The following TF variants were observed in gnomAD, a reference collection of about 807,000 sequenced individuals.
TF encodes the protein serotransferrin.
In TF, 55 loss-of-function variants were observed where a neutral mutation model predicts 82.4. The observed-to-expected ratio is 0.67, with a 90% CI of 0.54 to 0.84. TF has a LOEUF of 0.84. TF is among the 40% of genes least tolerant of loss of function. TF has a pLI of 0.00. For synonymous variants in TF, 332 were observed against 332.6 expected (o/e 1.00, Z 0.02); for missense variants, 737 against 868.4 (o/e 0.85, Z 1.90).
rs1934758962 is a variant in TF, at chr3:133,788,871, A to G, written c.*10251A>G. On this transcript the variant is annotated 3_prime_UTR_variant, in exon 17 of 17. Transcript: ENST00000402696. ...TACTTGACTGGCTAAGGACAAAAGA[A>G]GCCTACTCAGCTTCCATTTCCTATC... is the stretch of plus-strand genomic sequence containing the variant. 1 of 152,264 alleles carries G rather than the reference A, an allele frequency of 6.6e-6. No individual in the cohort carries two copies. The highest frequency in any genetic ancestry group is 2.1e-4 in the South Asian group (1 of 4,830). The allele number at this position is 152,264 out of a possible 1,614,324, so 9.4% of individuals were successfully genotyped here.
At position 133,780,988 on chromosome 3, in the gene TF, A is replaced by G. The variant is rs937843056; in HGVS notation, c.*2368A>G. ...AGGTCGCACCAGAGCACTCCAGCCT[A>G]GTGACAGAGCAAGACTCTGTCTGGA... On this transcript the variant is annotated 3_prime_UTR_variant, in exon 17 of 17. Coordinates refer to ENST00000402696, the MANE Select transcript of TF (RefSeq NM_001063.4). 6.6e-6 allele frequency: 1 copy of G among 152,058 alleles called. No individual in the cohort carries two copies. Among genetic ancestry groups the G allele is most frequent in the Non-Finnish European group, 1.5e-5 (1 of 68,054 alleles). The allele number at this position is 152,058 out of a possible 1,614,324, so 9.4% of individuals were successfully genotyped here. A position where few individuals can be genotyped will look rare whatever the true frequency, so the allele number is the denominator to read the frequency against.
chr3:133,737,077 C>T, the TF span, among the ~76,000 whole-genome samples: 27 of 152,280 alleles, frequency 1.8e-4, no homozygotes, highest in East Asian at 4.8e-3. Flanking sequence ...AAGTAAAACA[C>T]TCCTCAGCAA....
intron 1 of TF, among the ~76,000 whole-genome samples, chr3:133,747,980 A>G (rs1375726749): frequency 1.3e-5 from 2 of 151,964 alleles, no homozygotes; most frequent in Admixed American, 1.3e-4. Context: ...CCTCTTCTCA[A>G]AAAGATGGCA....
chr3:133,680,284 C>A, the TF span, among the ~76,000 whole-genome samples: 1 of 151,828 alleles, frequency 6.6e-6, no homozygotes, highest in Non-Finnish European at 1.5e-5. Context: ...TGGCTCACTG[C>A]AGTCTCGACC....
chr3:133,694,406 G>C, the TF span: 3 of 152,758 alleles, frequency 2.0e-5, no homozygotes, highest in Non-Finnish European at 4.4e-5. Flanking sequence ...CTGATGTTGG[G>C]GAGACAAAGG....
chr3:133,689,061 C>T, the TF span, among the ~76,000 whole-genome samples: 1 of 152,108 alleles, frequency 6.6e-6, no homozygotes, highest in Non-Finnish European at 1.5e-5. Context: ...TGTGGTGGCT[C>T]ACACCTGTAA....
chr3:133,723,873 T>A, the TF span, among the ~76,000 whole-genome samples: 6 of 152,158 alleles, frequency 3.9e-5, no homozygotes, highest in Non-Finnish European at 7.4e-5. Flanking sequence ...TTCTCATTGT[T>A]CAATTCCCAT....
At chr3:133,672,746 G>A in the TF span, among the ~76,000 whole-genome samples, 2 of 137,616 alleles carry the variant, frequency 1.5e-5, no homozygotes, top group Non-Finnish European at 3.1e-5. Flanking sequence ...GAGGGGAAGG[G>A]GAGGGAAAGG....
In TF at chr3:133,770,579, G is replaced by T; in HGVS notation, c.1687+7G>T. On this transcript the variant is annotated splice_region_variant and intron_variant, in intron 14 of 16. Transcript: ENST00000402696. ...GTCCCACAGAACACTGGGGGTAAGT[G>T]CACCTGCTCCTCTGTCCCCCTAGAT... is the stretch of plus-strand genomic sequence containing the variant. 1 of 1,614,016 alleles carries T rather than the reference G, an allele frequency of 6.2e-7. No homozygotes were observed. Among genetic ancestry groups the T allele is most frequent in the South Asian group, 1.1e-5 (1 of 91,060 alleles).
the TF span, among the ~76,000 whole-genome samples, chr3:133,733,110 C>G: frequency 1.3e-3 from 194 of 152,182 alleles, no homozygotes; most frequent in Non-Finnish European, 2.5e-3. Context: ...AGGAATAAAC[C>G]CCACTTCTGG....
the TF span, among the ~76,000 whole-genome samples, chr3:133,669,999 A>C: frequency 6.6e-6 from 1 of 152,220 alleles, no homozygotes; most frequent in African/African-American, 2.4e-5. Context: ...CTGAACTTGG[A>C]AACAGTTTAA....
the TF span, among the ~76,000 whole-genome samples, chr3:133,733,570 T>C: frequency 6.6e-6 from 1 of 152,170 alleles, no homozygotes; most frequent in African/African-American, 2.4e-5. Context: ...AGATTGAAAA[T>C]ATGGTGATGA....
At chr3:133,696,843 G>T in the TF span, among the ~76,000 whole-genome samples, 2 of 148,182 alleles carry the variant, frequency 1.3e-5, no homozygotes. Flanking sequence ...TCAGAATTTT[G>T]GACAGTTTAC....
chr3:133,747,066 C>T (rs1443425360), intron 1 of TF: 2 of 158,486 alleles, frequency 1.3e-5, no homozygotes, highest in African/African-American at 4.8e-5. Context: ...ATGTTGCACA[C>T]ATCCTGCTAT....
At chr3:133,737,487 G>C in the TF span, among the ~76,000 whole-genome samples, 1 of 148,234 alleles carries the variant, frequency 6.7e-6, no homozygotes, top group African/African-American at 2.5e-5. Context: ...GTGGGAGGTA[G>C]AGACACACAA....
intron 12 of TF, 147 bp downstream of exon 12, chr3:133,766,580 C>T (rs1306998141): frequency 1.9e-5 from 21 of 1,114,574 alleles, no homozygotes; most frequent in Non-Finnish European, 2.4e-5. Flanking sequence ...ATTTGCTGTC[C>T]TCAAGGACAT....
At chr3:133,750,156 C>G (rs1559867675) in intron 2 of TF, among the ~76,000 whole-genome samples, 1 of 152,134 alleles carries the variant, frequency 6.6e-6, no homozygotes. Flanking sequence ...AAAGGGAGGT[C>G]AGGGGCCTAT....
chr3:133,701,590 C>T, the TF span, among the ~76,000 whole-genome samples: 2 of 152,176 alleles, frequency 1.3e-5, no homozygotes, highest in Admixed American at 6.5e-5. Flanking sequence ...GAACAGAACT[C>T]GTGACTGCCA....
At chr3:133,765,601 C>T (rs146478066) in intron 11 of TF, among the ~76,000 whole-genome samples, 38 of 152,328 alleles carry the variant, frequency 2.5e-4, no homozygotes, top group African/African-American at 8.9e-4. Flanking sequence ...CAGCCTCTCC[C>T]CATCACTTGG....
Sources: gnomAD v4.1 joint callset for allele counts (sites outside exome capture counted in the v4.1 genomes callset) on GRCh38, gnomAD v4.1.1 for gene constraint, MANE v1.5 for transcripts, NCBI Gene and HGNC (gene_info 2026-07-23, HGNC 2026-07-21) for gene names.